Variants in MACROD2 observed in about 807,000 individuals in gnomAD.
The protein encoded by MACROD2 is mono-ADP ribosylhydrolase 2, also known as ADP-ribose glycohydrolase MACROD2.
MACROD2 carries 36 observed loss-of-function variants against 70.4 expected under a neutral mutation model. The ratio of observed to expected loss-of-function variants is 0.51; its 90% confidence interval spans 0.39 to 0.68. The LOEUF (loss-of-function observed/expected upper bound fraction) is 0.68, where lower values mean the gene tolerates loss of function less well. Ranked by LOEUF, MACROD2 falls within the 30% of genes least tolerant of loss-of-function variation. The pLI is 0.00. For missense variants in MACROD2, 496 were observed against 538.4 expected (o/e 0.92, Z 0.78); for synonymous variants, 172 against 178.8 (o/e 0.96, Z 0.30).
At chr20:14,739,120 T>G (rs1182721179) in intron 5 of MACROD2, among the ~76,000 whole-genome samples, 3 of 152,066 alleles carry the variant, frequency 2.0e-5, no homozygotes, top group Non-Finnish European at 4.4e-5. Context: ...TAAATTGGTA[T>G]AGCATTTGGA....
chr20:15,117,926 A>C (rs1188633481), intron 5 of MACROD2, among the ~76,000 whole-genome samples: 1 of 149,444 alleles, frequency 6.7e-6, no homozygotes, highest in South Asian at 2.1e-4. Flanking sequence ...AAACTCTAGT[A>C]AAGAATCAGT....
intron 15 of MACROD2, among the ~76,000 whole-genome samples, chr20:15,995,516 A>ATT (rs375137161): frequency 6.6e-6 from 1 of 150,670 alleles, no homozygotes; most frequent in African/African-American, 2.4e-5. Context: ...TGCCCGGCTA[A>ATT]TTTTTTTGTA....
chr20:15,247,551 T>C (rs16995465), intron 6 of MACROD2, among the ~76,000 whole-genome samples: 2,337 of 152,302 alleles, frequency 0.015, 66 homozygotes, highest in African/African-American at 0.053. Context: ...CCTGCCACTT[T>C]CTGCTTTACA....
At chr20:15,149,689 G>T (rs1484981935) in intron 5 of MACROD2, among the ~76,000 whole-genome samples, 1 of 152,056 alleles carries the variant, frequency 6.6e-6, no homozygotes, top group Non-Finnish European at 1.5e-5. Flanking sequence ...TATTAGGGCG[G>T]CAGCAGCTGC....
chr20:15,580,516 C>G (rs1426173059), intron 8 of MACROD2, among the ~76,000 whole-genome samples: 1 of 152,210 alleles, frequency 6.6e-6, no homozygotes, highest in African/African-American at 2.4e-5. Flanking sequence ...GTCTAGTCCA[C>G]TGGGTTTCCA....
intron 3 of MACROD2, among the ~76,000 whole-genome samples, chr20:14,160,120 T>C (rs189125324): frequency 2.7e-4 from 41 of 152,336 alleles, no homozygotes; most frequent in Non-Finnish European, 1.9e-4. Context: ...GGATGTGATT[T>C]GCTAGTATTA....
intron 3 of MACROD2, among the ~76,000 whole-genome samples, chr20:14,207,342 C>T (rs772933811): frequency 2.6e-5 from 4 of 152,086 alleles, no homozygotes; most frequent in Admixed American, 6.6e-5. Context: ...CCTCGTGGTC[C>T]GCCCGTCTTG....
chr20:14,696,186 C>T (rs867475551), intron 5 of MACROD2, among the ~76,000 whole-genome samples: 3 of 151,802 alleles, frequency 2.0e-5, no homozygotes, highest in African/African-American at 4.8e-5. Flanking sequence ...ATAGATAGAT[C>T]GATAGATAGA....
chr20:14,938,986 T>A (rs2074367281), intron 5 of MACROD2, among the ~76,000 whole-genome samples: 1 of 149,750 alleles, frequency 6.7e-6, no homozygotes, highest in African/African-American at 2.5e-5. Context: ...TTGAGCTTCT[T>A]ACATACTCTG....
intron 3 of MACROD2, among the ~76,000 whole-genome samples, chr20:14,093,694 C>CA (rs2054184303): frequency 6.7e-6 from 1 of 148,534 alleles, no homozygotes; most frequent in Non-Finnish European, 1.5e-5. Context: ...CAAAAATAAA[C>CA]AAAAAAACCC....
rs568657922 is a variant in MACROD2, at chr20:14,880,081, A to G, written c.418+195122A>G. Reference sequence around the variant, plus strand: ...GTGTTGACTGGTGGAAAGCAGAACAATGGATCTCAGCAAATTGTATCATGC... The same window carrying G: ...GTGTTGACTGGTGGAAAGCAGAACAGTGGATCTCAGCAAATTGTATCATGC... On this transcript the variant is annotated intron_variant, in intron 5 of 17. Transcript: ENST00000684519. Among the ~76,000 whole-genome samples, 9 of 152,254 alleles carry G rather than the reference A, an allele frequency of 5.9e-5. No homozygotes were observed. The South Asian group carries it at 8.3e-4, about 14-fold the overall frequency.
intron 4 of MACROD2, among the ~76,000 whole-genome samples, chr20:14,536,656 T>TGTGTGA (rs3044692): frequency 0.16 from 23,533 of 147,266 alleles, 2,298 homozygotes; most frequent in Non-Finnish European, 0.23. Flanking sequence ...TGTGTGTGTG[T>TGTGTGA]GTGTGTGCAT....
intron 2 of MACROD2, among the ~76,000 whole-genome samples, chr20:14,035,279 C>T (rs966579604): frequency 1.3e-5 from 2 of 152,154 alleles, no homozygotes; most frequent in Non-Finnish European, 2.9e-5. Flanking sequence ...CTTGCCTTGA[C>T]TTTAATGCAT....
At chr20:15,194,119 G>T (rs1327856533) in intron 5 of MACROD2, among the ~76,000 whole-genome samples, 1 of 151,716 alleles carries the variant, frequency 6.6e-6, no homozygotes, top group African/African-American at 2.4e-5. Flanking sequence ...GATGGTGGGT[G>T]CCTGTAATCC....
chr20:14,005,876 C>T (rs2052811462), intron 2 of MACROD2, among the ~76,000 whole-genome samples: 1 of 152,160 alleles, frequency 6.6e-6, no homozygotes, highest in Non-Finnish European at 1.5e-5. Flanking sequence ...GCTGGGATTA[C>T]AGACGTGAGC....
intron 5 of MACROD2, among the ~76,000 whole-genome samples, chr20:14,758,489 A>G (rs1319063473): frequency 1.3e-5 from 2 of 152,190 alleles, no homozygotes; most frequent in Non-Finnish European, 2.9e-5. Context: ...AGTACATTTC[A>G]AAACGTGGAC....
chr20:15,309,241 A>G (rs184356407), intron 6 of MACROD2, among the ~76,000 whole-genome samples: 152 of 152,338 alleles, frequency 1.0e-3, no homozygotes, highest in African/African-American at 3.5e-3. Flanking sequence ...ATCAAAAGCA[A>G]TGCAGAATTT....
intron 4 of MACROD2, among the ~76,000 whole-genome samples, chr20:14,501,345 T>G (rs1337281309): frequency 6.6e-6 from 1 of 152,134 alleles, no homozygotes; most frequent in Admixed American, 6.5e-5. Context: ...ACCAGTTATA[T>G]CATTCTCCTT....
intron 5 of MACROD2, among the ~76,000 whole-genome samples, chr20:15,213,867 C>A (rs1431431879): frequency 6.6e-6 from 1 of 151,810 alleles, no homozygotes; most frequent in Non-Finnish European, 1.5e-5. Context: ...CTTTCTATCA[C>A]AAGAGAATTC....
Sources: allele counts gnomAD v4.1 joint callset (sites outside exome capture counted in the v4.1 genomes callset), GRCh38; gene constraint gnomAD v4.1.1; transcripts MANE v1.5; gene names NCBI Gene and HGNC (gene_info 2026-07-23, HGNC 2026-07-21).